Variants in METTL15 observed in about 807,000 individuals in gnomAD.
The protein encoded by METTL15 is methyltransferase 15, mitochondrial 12S rRNA N4-cytidine.
A neutral mutation model predicts 38.3 loss-of-function variants in METTL15; 34 were observed. The observed-to-expected ratio is 0.89, with a 90% CI of 0.68 to 1.18. METTL15 has a LOEUF of 1.18. Among genes scored for constraint, METTL15 ranks in the 50% most tolerant of loss-of-function variants. The probability of loss-of-function intolerance (pLI) is 0.00; values close to 1 mark genes in which losing one functional copy is unlikely to be tolerated. For missense variants in METTL15, 438 were observed against 498.4 expected, an observed-to-expected ratio of 0.88 and a Z score of 1.15; for synonymous variants, 162 against 170.9, an observed-to-expected ratio of 0.95 and a Z score of 0.41.
chr11:28,369,483 C>T (rs772900797), intron 5 of METTL15, among the ~76,000 whole-genome samples: 1 of 151,856 alleles, frequency 6.6e-6, no homozygotes, highest in South Asian at 2.1e-4. Flanking sequence ...GAAAGAAGTC[C>T]ACCACAAGAT....
intron 4 of METTL15, among the ~76,000 whole-genome samples, chr11:28,234,321 G>A (rs1458884311): frequency 1.3e-5 from 2 of 151,658 alleles, no homozygotes; most frequent in Non-Finnish European, 2.9e-5. Flanking sequence ...TATATACCCA[G>A]TAATGGGATG....
At chr11:28,222,924 A>G (rs1052208621) in intron 4 of METTL15, among the ~76,000 whole-genome samples, 1 of 152,218 alleles carries the variant, frequency 6.6e-6, no homozygotes, top group Non-Finnish European at 1.5e-5. Flanking sequence ...GGTGATTCAT[A>G]GAAGATTAAA....
chr11:28,177,027 A>G (rs1380465097), intron 3 of METTL15, among the ~76,000 whole-genome samples: 2 of 152,040 alleles, frequency 1.3e-5, no homozygotes, highest in Admixed American at 6.6e-5. Flanking sequence ...TAATTCTTAG[A>G]TGGATACACT....
At position 28,444,441 on chromosome 11, in the gene METTL15, A is replaced by G. The variant is rs753715830; in HGVS notation, c.*424+20077A>G. On this transcript the variant is annotated intron_variant and NMD_transcript_variant, in intron 6 of 7. Coordinates refer to the METTL15 transcript ENST00000532947. ...ATTGGAATTTAACAAACTATATTAC[A>G]TAAATTAGTTTAGAGTCCATTTGCT... 2.0e-5 allele frequency among the ~76,000 whole-genome samples: 3 copies of G among 152,350 alleles called. No individual in the cohort carries two copies. In the East Asian group the frequency reaches 5.8e-4, roughly 29 times the overall value.
At chr11:28,207,809 G>A (rs564080675) in intron 3 of METTL15, among the ~76,000 whole-genome samples, 2 of 152,134 alleles carry the variant, frequency 1.3e-5, no homozygotes, top group Admixed American at 1.3e-4. Context: ...TCTTTTCAGA[G>A]ATTCAACTTC....
chr11:28,423,787 A>G (rs1008320544), intron 5 of METTL15, among the ~76,000 whole-genome samples: 2 of 152,064 alleles, frequency 1.3e-5, no homozygotes, highest in African/African-American at 4.8e-5. Flanking sequence ...AAGACCTAGT[A>G]TTTGATAGCA....
Position 28,252,390 on chromosome 11 carries a change from T to C in METTL15, c.408-37816T>C, listed in dbSNP as rs557437551. Among the ~76,000 whole-genome samples the C allele has an allele frequency of 9.5e-4, 144 of 152,256 alleles. 2 individuals are homozygous for C. Among genetic ancestry groups the C allele is most frequent in the Non-Finnish European group, 2.8e-4 (19 of 68,008 alleles). ...CCGTTCTCTTAAACTTGACTTTCTT[T>C]AAATCTGTAACTCCCTTACCTTATT... is the stretch of plus-strand genomic sequence containing the variant. On this transcript the variant is annotated intron_variant, in intron 4 of 6. Transcript: ENST00000407364.
chr11:28,500,927 G>A (rs1590395745), intron 6 of METTL15, among the ~76,000 whole-genome samples: 1 of 152,196 alleles, frequency 6.6e-6, no homozygotes, highest in Admixed American at 6.5e-5. Flanking sequence ...GGAATGAAAA[G>A]AAAGATAACA....
At chr11:28,313,224 C>G (rs1022886374) in intron 6 of METTL15, among the ~76,000 whole-genome samples, 26 of 151,932 alleles carry the variant, frequency 1.7e-4, no homozygotes, top group Non-Finnish European at 2.8e-4. Context: ...TTAGAAATTA[C>G]CTTTTAAAAC....
intron 5 of METTL15, among the ~76,000 whole-genome samples, chr11:28,377,745 G>C (rs1241301093): frequency 1.3e-5 from 2 of 152,172 alleles, no homozygotes; most frequent in Non-Finnish European, 2.9e-5. Context: ...CTGCTTTTTA[G>C]AGTTTCCAGT....
At chr11:28,517,722 T>C (rs1268420977) in intron 6 of METTL15, among the ~76,000 whole-genome samples, 1 of 152,176 alleles carries the variant, frequency 6.6e-6, no homozygotes, top group Admixed American at 6.5e-5. Context: ...TGGCAATAAA[T>C]AAGGAATGAA....
chr11:28,282,597 G>C (rs983422030), intron 4 of METTL15, among the ~76,000 whole-genome samples: 1 of 152,116 alleles, frequency 6.6e-6, no homozygotes, highest in African/African-American at 2.4e-5. Flanking sequence ...TATTTGACTT[G>C]CCTTGGCTAA....
intron 3 of METTL15, among the ~76,000 whole-genome samples, chr11:28,193,631 A>G (rs1001360234): frequency 6.6e-6 from 1 of 152,152 alleles, no homozygotes; most frequent in Non-Finnish European, 1.5e-5. Flanking sequence ...ATAATTGTTT[A>G]TATACTGTTA....
intron 6 of METTL15, among the ~76,000 whole-genome samples, chr11:28,496,994 G>A (rs1851540293): frequency 6.6e-6 from 1 of 152,204 alleles, no homozygotes; most frequent in Non-Finnish European, 1.5e-5. Context: ...TTGGCATTGA[G>A]CTGGACATTG....
In METTL15 at chr11:28,235,029, G is replaced by A. The variant is rs1853883097; in HGVS notation, c.407+23831G>A. ...AGTTTCAGCTTTCTACATGTGGCTAGCCAGTTTTCCCAGCACCATTTATTA... is the reference window on the plus strand; with the variant it reads ...AGTTTCAGCTTTCTACATGTGGCTAACCAGTTTTCCCAGCACCATTTATTA... On this transcript the variant is annotated intron_variant, in intron 4 of 6. Transcript: ENST00000407364. Among the ~76,000 whole-genome samples, 5 of 152,170 alleles carry A rather than the reference G, an allele frequency of 3.3e-5. No homozygotes were observed. The South Asian group carries it at 1.0e-3, about 32-fold the overall frequency.
intron 3 of METTL15, among the ~76,000 whole-genome samples, chr11:28,202,151 T>C (rs980358108): frequency 2.0e-5 from 3 of 151,838 alleles, no homozygotes; most frequent in African/African-American, 7.2e-5. Context: ...ATTAGAGGAA[T>C]TGGTATCAAT....
chr11:28,430,953 C>G (rs1211100436), intron 6 of METTL15, among the ~76,000 whole-genome samples: 1 of 96,392 alleles, frequency 1.0e-5, no homozygotes. Context: ...AGGTGAGGGG[C>G]GCCTCTGCCC....
At chr11:28,377,416 C>A (rs1312461540) in intron 5 of METTL15, among the ~76,000 whole-genome samples, 5 of 152,156 alleles carry the variant, frequency 3.3e-5, no homozygotes, top group African/African-American at 1.2e-4. Context: ...ATTTCATCTT[C>A]CATTGCTGAT....
At chr11:28,140,867 C>T (rs137998405) in intron 3 of METTL15, among the ~76,000 whole-genome samples, 311 of 152,224 alleles carry the variant, frequency 2.0e-3, no homozygotes, top group Middle Eastern at 6.8e-3. Flanking sequence ...TAGTCCGCTG[C>T]GGGCATGTTT....
Sources: allele counts gnomAD v4.1 joint callset (sites outside exome capture counted in the v4.1 genomes callset), GRCh38; gene constraint gnomAD v4.1.1; transcripts MANE v1.5; gene names NCBI Gene and HGNC (gene_info 2026-07-23, HGNC 2026-07-21).